HLCS: variants seen among roughly 807,000 people sequenced by gnomAD.
HLCS encodes holocarboxylase synthetase, also known as biotin--protein ligase.
In HLCS, 53 loss-of-function variants were observed where a neutral mutation model predicts 75.0. The observed-to-expected ratio is 0.71, with a 90% CI of 0.57 to 0.89. The LOEUF (loss-of-function observed/expected upper bound fraction) is 0.89. Ranked by LOEUF, HLCS falls within the 40% of genes least tolerant of loss-of-function variation. HLCS has a pLI of 0.00. For missense variants in HLCS, 966 were observed against 1,074.0 expected (o/e 0.90, Z 1.41); for synonymous variants, 431 against 428.6 (o/e 1.01, Z -0.07).
chr21:36,767,096 CAG>C, intron 7 of HLCS, 120 bp downstream of exon 7: 2 of 943,794 alleles, frequency 2.1e-6, no homozygotes, highest in Non-Finnish European at 3.5e-6. Context: ...GTTATGAAAA[CAG>C]AATCTACTAA....
At chr21:36,913,979 C>G (rs1157974784) in intron 5 of HLCS, among the ~76,000 whole-genome samples, 4 of 152,124 alleles carry the variant, frequency 2.6e-5, no homozygotes, top group Admixed American at 6.5e-5. Flanking sequence ...TAAGAGAACC[C>G]AAGAACAAGG....
chr21:36,888,445 AATATATATATATATAT>A (rs71198839), intron 6 of HLCS, among the ~76,000 whole-genome samples: 121 of 24,092 alleles, frequency 5.0e-3, no homozygotes, highest in African/African-American at 0.014. Context: ...AAAAAAAAAA[AATATATATATATATAT>A]ATATATATAT....
intron 1 of HLCS, among the ~76,000 whole-genome samples, chr21:36,985,556 A>G (rs1363450475): frequency 6.6e-6 from 1 of 152,218 alleles, no homozygotes; most frequent in Non-Finnish European, 1.5e-5. Flanking sequence ...TCACGAGATC[A>G]AGAGATCGAG....
rs965348900 is a variant in HLCS, at chr21:36,750,126, G to A, written c.*4120C>T. ...AATATTGTGACCTCCATCTTGAAGA[G>A]TCTGCACATTTAAGCTGGGGATAGC... is the stretch of plus-strand genomic sequence containing the variant. On this transcript the variant is annotated 3_prime_UTR_variant, in exon 11 of 11. Transcript: ENST00000674895. 6.6e-6 allele frequency among the ~76,000 whole-genome samples: 1 copy of A among 152,226 alleles called. No homozygotes were observed. The highest frequency in any genetic ancestry group is 1.5e-5 in the Non-Finnish European group (1 of 68,038).
chr21:36,966,578 G>C lies in HLCS; in HGVS notation c.61C>G (p.Leu21Val). 1.0e-6 allele frequency: 1 copy of C among 996,732 alleles called. No homozygotes were observed. The highest frequency in any genetic ancestry group is 1.2e-6 in the Non-Finnish European group (1 of 839,148). The allele number at this position is 996,732 out of a possible 1,614,324, so 61.7% of individuals were successfully genotyped here. ...AGCCGCCGCACCGTGGCGCGCACGA[G>C]CTCAGCCGGCCGGCGACCCCAGCGC... The part of the protein sequence containing the change: ...WARWGRRPAE[L>V]VRATVRRLRA... Residue 21 changes from leucine to valine, a missense_variant, in exon 1 of 11, where the codon CTC becomes GTC. Transcript: ENST00000674895.
intron 5 of HLCS, among the ~76,000 whole-genome samples, chr21:36,904,289 C>T (rs2065358932): frequency 6.6e-6 from 1 of 152,188 alleles, no homozygotes; most frequent in Non-Finnish European, 1.5e-5. Flanking sequence ...GAGCCATATT[C>T]TCAAGAAATT....
intron 6 of HLCS, among the ~76,000 whole-genome samples, chr21:36,847,422 T>A (rs1320162905): frequency 6.6e-6 from 1 of 152,194 alleles, no homozygotes; most frequent in Non-Finnish European, 1.5e-5. Context: ...GCCAGCAGCA[T>A]CAGTACAGAA....
intron 5 of HLCS, among the ~76,000 whole-genome samples, chr21:36,911,897 C>G (rs905843223): frequency 7.3e-5 from 11 of 151,562 alleles, no homozygotes; most frequent in Non-Finnish European, 1.5e-4. Flanking sequence ...ATGGTGAAAC[C>G]CTGTCTCTAC....
rs552157091 is a variant in HLCS at position 36,964,262 on chromosome 21, G to C, written c.196-2092C>G. Among the ~76,000 whole-genome samples, 228 of 152,274 alleles carry C rather than the reference G, an allele frequency of 1.5e-3. 2 individuals carry two copies. Among genetic ancestry groups the C allele is most frequent in the African/African-American group, 5.2e-3 (216 of 41,556 alleles). On this transcript the variant is annotated intron_variant, in intron 1 of 10. Transcript: ENST00000674895. ...GAGATTCAGGTGTGTCCTTATTTCA[G>C]CCCAAGTAGACTGAGGTATCCCTCA...
rs903662595 is a variant in HLCS at position 36,913,544 on chromosome 21, T to C, written c.1621-16413A>G. Among the ~76,000 whole-genome samples, 8 of 152,180 alleles carry C rather than the reference T, an allele frequency of 5.3e-5. No homozygotes were observed. The East Asian group carries it at 5.8e-4, about 11-fold the overall frequency. On this transcript the variant is annotated intron_variant, in intron 5 of 10. Transcript: ENST00000674895. ...GGGAGGCCCAGGCAGGCAGATCACCTGAGGCCAGGAGTTTGAGACCAGCCT... is the reference window on the plus strand; with the variant it reads ...GGGAGGCCCAGGCAGGCAGATCACCCGAGGCCAGGAGTTTGAGACCAGCCT...
intron 5 of HLCS, among the ~76,000 whole-genome samples, chr21:36,923,526 C>T (rs529855993): frequency 6.6e-6 from 1 of 152,308 alleles, no homozygotes; most frequent in African/African-American, 2.4e-5. Context: ...GACCGCAACG[C>T]ACAGAAGCCA....
chr21:36,988,965 A>C (rs58128008), intron 1 of HLCS, among the ~76,000 whole-genome samples: 38,698 of 151,392 alleles, frequency 0.26, 5,095 homozygotes, highest in South Asian at 0.35. Context: ...TCCCAGTTTG[A>C]CATCTGTCTT....
chr21:36,818,557 C>T (rs770664933), intron 6 of HLCS, among the ~76,000 whole-genome samples: 55 of 152,094 alleles, frequency 3.6e-4, no homozygotes, highest in Non-Finnish European at 6.5e-4. Context: ...CTACATGAAA[C>T]GGCAAGGGAA....
intron 6 of HLCS, among the ~76,000 whole-genome samples, chr21:36,821,404 T>C (rs908663181): frequency 6.6e-6 from 1 of 152,138 alleles, no homozygotes; most frequent in African/African-American, 2.4e-5. Context: ...GAAGAGTGGG[T>C]TGACTACAAT....
intron 6 of HLCS, among the ~76,000 whole-genome samples, chr21:36,836,761 A>C (rs2062426983): frequency 6.6e-6 from 1 of 152,110 alleles, no homozygotes; most frequent in Non-Finnish European, 1.5e-5. Flanking sequence ...ACACATGAAA[A>C]AATGCTCACC....
chr21:36,839,834 G>A (rs1002727243), intron 6 of HLCS, among the ~76,000 whole-genome samples: 8 of 152,204 alleles, frequency 5.3e-5, no homozygotes, highest in South Asian at 2.1e-4. Flanking sequence ...AAACTCCAGA[G>A]AGCCACATGA....
At position 36,957,801 on chromosome 21, in the gene HLCS, C is replaced by T. The variant is rs947658403; in HGVS notation, c.330+4235G>A. On this transcript the variant is annotated intron_variant, in intron 2 of 10. Transcript: ENST00000674895. ...AAAATTACCTGGGCGTTGTGGCACGCGCCTGCAGTCCCAGCTACTCGGGAG... is the reference window on the plus strand; with the variant it reads ...AAAATTACCTGGGCGTTGTGGCACGTGCCTGCAGTCCCAGCTACTCGGGAG... Among the ~76,000 whole-genome samples the T allele has an allele frequency of 1.1e-4, 16 of 151,356 alleles. No individual in the cohort carries two copies. In the East Asian group the frequency reaches 1.4e-3, roughly 13 times the overall value.
intron 2 of HLCS, among the ~76,000 whole-genome samples, chr21:36,958,581 G>A (rs868157135): frequency 2.0e-4 from 31 of 152,064 alleles, no homozygotes; most frequent in African/African-American, 6.8e-4. Flanking sequence ...CTGAGCTCAG[G>A]AGTTCGAGAC....
At chr21:36,834,753 A>G (rs1444090493) in intron 6 of HLCS, among the ~76,000 whole-genome samples, 1 of 152,038 alleles carries the variant, frequency 6.6e-6, no homozygotes, top group Non-Finnish European at 1.5e-5. Context: ...ATGGGGTTTC[A>G]CCATGTTGGC....
Sources: gnomAD v4.1 joint callset for allele counts (sites outside exome capture counted in the v4.1 genomes callset) on GRCh38, gnomAD v4.1.1 for gene constraint, MANE v1.5 for transcripts, NCBI Gene and HGNC (gene_info 2026-07-23, HGNC 2026-07-21) for gene names.